Variants in PCNA observed in about 807,000 individuals in gnomAD.
PCNA encodes DNA sliding clamp PCNA.
Under a neutral mutation model 27.8 loss-of-function variants are expected in PCNA, and 4 were observed. The observed-to-expected ratio is 0.14, with a 90% CI of 0.07 to 0.33. PCNA has a LOEUF of 0.33. PCNA is among the 10% of genes least tolerant of loss of function. PCNA has a pLI of 1.00. For synonymous variants in PCNA, 121 were observed against 119.4 expected (o/e 1.01, Z -0.09); for missense variants, 165 against 327.4 (o/e 0.50, Z 3.83).
intron 1 of PCNA, among the ~76,000 whole-genome samples, chr20:5,125,591 G>A (rs1409053774): frequency 3.9e-5 from 6 of 152,216 alleles, no homozygotes; most frequent in Non-Finnish European, 7.3e-5. Context: ...GTATGCTTAA[G>A]TTGGGGACGC....
intron 4 of PCNA, among the ~76,000 whole-genome samples, chr20:5,116,477 T>C (rs113883589): frequency 6.6e-6 from 1 of 152,338 alleles, no homozygotes; most frequent in Non-Finnish European, 1.5e-5. Context: ...AACTAAATGT[T>C]GACTACCCAT....
In PCNA at chr20:5,118,681, C is replaced by T. The variant is rs1292744721; in HGVS notation, c.320-4G>A. The stretch of plus-strand genomic sequence containing the variant: ...TAGTCTGAAACTTTCTCCTGGTCTA[C>T]CAAAAGAAAGCAGATGCTTTTGAGA... On this transcript the variant is annotated splice_polypyrimidine_tract_variant and splice_region_variant and intron_variant, in intron 2 of 5. Transcript: ENST00000379143. The T allele has an allele frequency of 1.9e-6, 3 of 1,613,402 alleles. No individual in the cohort carries two copies. The highest frequency in any genetic ancestry group is 2.5e-6 in the Non-Finnish European group (3 of 1,179,412).
intron 1 of PCNA, among the ~76,000 whole-genome samples, chr20:5,126,296 T>A (rs1354201119): frequency 6.6e-6 from 1 of 152,174 alleles, no homozygotes; most frequent in Non-Finnish European, 1.5e-5. Flanking sequence ...CATGTGTGGA[T>A]TAAACGAGAT....
At chr20:5,115,621 C>A in intron 4 of PCNA, 49 bp from the exon 5 acceptor site, 2 of 1,483,854 alleles carry the variant, frequency 1.3e-6, no homozygotes. Context: ...AAGTTGCAAT[C>A]TATTAGCTCA....
At chr20:5,117,046 C>T (rs2090479944) in intron 4 of PCNA, among the ~76,000 whole-genome samples, 1 of 152,102 alleles carries the variant, frequency 6.6e-6, no homozygotes, top group African/African-American at 2.4e-5. Flanking sequence ...CCAATTGGAC[C>T]CACAACATGT....
chr20:5,119,197 A>G (rs1211314910), intron 1 of PCNA, among the ~76,000 whole-genome samples: 2 of 152,102 alleles, frequency 1.3e-5, no homozygotes, highest in Non-Finnish European at 2.9e-5. Flanking sequence ...GCTTGAGCCC[A>G]GAAGTTGGAG....
chr20:5,122,150 T>C (rs974898709), upstream of PCNA, among the ~76,000 whole-genome samples: 3 of 152,146 alleles, frequency 2.0e-5, no homozygotes, highest in Non-Finnish European at 2.9e-5. Context: ...CCTGGCTAAT[T>C]TTTGTATTTT....
chr20:5,118,803 G>A lies in PCNA; in HGVS notation c.285C>T (p.Asn95=). The change falls in exon 2 of 6, where the codon AAC becomes AAT. Residue 95 remains asparagine, a synonymous_variant. Coordinates refer to ENST00000379143, the MANE Select transcript of PCNA (RefSeq NM_182649.2). ...EDIITLRAED[N]ADTLALVFEA... is the part of the protein sequence containing the mutation. ...CAAATACTAGCGCCAAGGTATCCGC[G>A]TTATCTTCGGCCCTTAGTGTAATGA... The A allele has an allele frequency of 6.2e-7, 1 of 1,614,088 alleles. No homozygotes were observed. The highest frequency in any genetic ancestry group is 8.5e-7 in the Non-Finnish European group (1 of 1,179,956).
intron 3 of PCNA, 128 bp downstream of exon 3, chr20:5,118,482 T>TATGG: frequency 1.5e-6 from 1 of 660,672 alleles, no homozygotes; most frequent in East Asian, 2.7e-5. Flanking sequence ...GAGAGAGCTA[T>TATGG]ATGGCACTAC....
At position 5,115,470 on chromosome 20, in the gene PCNA, T is replaced by C. The variant is rs1392081267; in HGVS notation, c.685A>G (p.Met229Val). 1.2e-6 allele frequency: 2 copies of C among 1,614,082 alleles called. No individual in the cohort carries two copies. The highest frequency in any genetic ancestry group is 1.7e-6 in the Non-Finnish European group (2 of 1,179,928). ...TPLSSTVTLS[M>V]SADVPLVVEY... ...TTACCAAGGGGTACATCTGCAGACA[T>C]ACTGAGTGTCACCGTTGAAGAGAGT... Residue 229 changes from methionine to valine, a missense_variant, in exon 5 of 6, where the codon ATG (methionine) becomes GTG (valine). Coordinates refer to ENST00000379143, the MANE Select transcript of PCNA (RefSeq NM_182649.2).
intron 1 of PCNA, among the ~76,000 whole-genome samples, chr20:5,125,449 C>T (rs1276755084): frequency 6.6e-6 from 1 of 151,684 alleles, no homozygotes; most frequent in Non-Finnish European, 1.5e-5. Context: ...TAGTGAGACC[C>T]TGTCTCTAAA....
intron 1 of PCNA, among the ~76,000 whole-genome samples, chr20:5,126,154 G>C (rs543254759): frequency 6.6e-6 from 1 of 152,322 alleles, no homozygotes; most frequent in Admixed American, 6.5e-5. Flanking sequence ...AGTGAGTCGA[G>C]ATCATGCCAC....
chr20:5,119,521 C>G, intron 1 of PCNA, 57 bp downstream of exon 1: 1 of 1,444,548 alleles, frequency 6.9e-7, no homozygotes, highest in Non-Finnish European at 9.5e-7. Context: ...AGCGCTCCCG[C>G]CAAGCACCGG....
Position 5,118,833 on chromosome 20 carries a change from T to C in PCNA, c.255A>G (p.Glu85=), listed in dbSNP as rs768225576. The change falls in exon 2 of 6, where the codon GAA becomes GAG. Residue 85 remains glutamate (E), a synonymous_variant. Coordinates refer to ENST00000379143, the MANE Select transcript of PCNA (RefSeq NM_182649.2). ...MSKILKCAGN[E]DIITLRAEDN... Reference sequence around the variant, plus strand: ...CTTCGGCCCTTAGTGTAATGATATCTTCATTGCCGGCGCATTTTAGTATTT... The same window carrying C: ...CTTCGGCCCTTAGTGTAATGATATCCTCATTGCCGGCGCATTTTAGTATTT... 6.2e-7 allele frequency: 1 copy of C among 1,612,964 alleles called. No individual in the cohort carries two copies. The highest frequency in any genetic ancestry group is 1.1e-5 in the South Asian group (1 of 91,072).
In PCNA at chr20:5,114,989, A is replaced by G; in HGVS notation, c.*294T>C. ...ATTCAAGTAACTTTATTTAAATTCA[A>G]AAACAATTCTTAAAACTGCATTTAG... is the stretch of plus-strand genomic sequence containing the variant. On this transcript the variant is annotated 3_prime_UTR_variant, in exon 6 of 6. Transcript: ENST00000379143. 1 of 248,436 alleles carries G rather than the reference A, an allele frequency of 4.0e-6. No homozygotes were observed. Among genetic ancestry groups the G allele is most frequent in the Non-Finnish European group, 7.9e-6 (1 of 126,606 alleles). 15.4% of individuals were successfully genotyped at this position (248,436 alleles called of 1,614,324 possible).
At position 5,115,166 on chromosome 20, in the gene PCNA, ATCT is replaced by A. The variant is rs2090466534; in HGVS notation, c.*114_*116del. On this transcript the variant is annotated 3_prime_UTR_variant, in exon 6 of 6. Coordinates refer to ENST00000379143, the MANE Select transcript of PCNA (RefSeq NM_182649.2). ...AAATAGGTTATTTACAGAAAACAAT[ATCT>A]ACATATGTACTTAGAGGTACAAATT... 3 of 664,622 alleles carry A rather than the reference ATCT, an allele frequency of 4.5e-6. No individual in the cohort carries two copies. Among genetic ancestry groups the A allele is most frequent in the Non-Finnish European group, 7.8e-6 (3 of 384,496 alleles). The allele number at this position is 664,622 out of a possible 1,614,324, so 41.2% of individuals were successfully genotyped here. A position where few individuals can be genotyped will look rare whatever the true frequency, so the allele number is the denominator to read the frequency against.
chr20:5,118,341 C>T lies in PCNA; in HGVS notation c.387+269G>A, dbSNP rs376610070. ...GCCAGGAGTTCCAGACCAGCCTGGG[C>T]AAGACTGCCCCCACGCCCACACACA... On this transcript the variant is annotated intron_variant, in intron 3 of 5. Transcript: ENST00000379143. Among the ~76,000 whole-genome samples the T allele has an allele frequency of 7.2e-5, 11 of 152,272 alleles. No individual in the cohort carries two copies. The South Asian group carries it at 2.3e-3, about 32-fold the overall frequency.
At chr20:5,125,093 C>A (rs1022951977) in intron 1 of PCNA, among the ~76,000 whole-genome samples, 2 of 152,156 alleles carry the variant, frequency 1.3e-5, no homozygotes, top group Admixed American at 6.6e-5. Context: ...AATCCCAGAA[C>A]TTTAGGAGGC....
At position 5,119,764 on chromosome 20, in the gene PCNA, A is replaced by G; in HGVS notation, c.35T>C (p.Leu12Pro). 6.3e-7 allele frequency: 1 copy of G among 1,581,480 alleles called. No homozygotes were observed. The highest frequency in any genetic ancestry group is 8.6e-7 in the Non-Finnish European group (1 of 1,163,758). ...FEARLVQGSI[L>P]KKVLEALKDL... ...CTTGAGTGCCTCCAACACCTTCTTG[A>G]GGATGGAGCCCTGGACCAGGCGCGC... Residue 12 changes from leucine (L) to proline (P), a missense_variant, in exon 1 of 6, where the codon CTC becomes CCC. Transcript: ENST00000379143.
Sources: gnomAD v4.1 joint callset for allele counts (sites outside exome capture counted in the v4.1 genomes callset) on GRCh38, gnomAD v4.1.1 for gene constraint, MANE v1.5 for transcripts, NCBI Gene and HGNC (gene_info 2026-07-23, HGNC 2026-07-21) for gene names.